Variants in MFN1 observed in about 807,000 individuals in gnomAD.
MFN1 encodes the protein mitofusin-1.
MFN1 carries 65 observed loss-of-function variants against 92.4 expected under a neutral mutation model. That is an observed-to-expected ratio of 0.70 (90% CI 0.58 to 0.86). The LOEUF (loss-of-function observed/expected upper bound fraction) is 0.86, where lower values mean the gene tolerates loss of function less well. MFN1 is among the 40% of genes least tolerant of loss of function. The pLI is 0.00. For synonymous variants in MFN1, 297 were observed against 300.9 expected, an observed-to-expected ratio of 0.99 and a Z score of 0.13; for missense variants, 781 against 868.0, an observed-to-expected ratio of 0.90 and a Z score of 1.26.
At chr3:179,350,829 A>G (rs543004506) in intron 2 of MFN1, among the ~76,000 whole-genome samples, 1 of 152,312 alleles carries the variant, frequency 6.6e-6, no homozygotes, top group South Asian at 2.1e-4. Context: ...AATTAGGGTC[A>G]TTCAGATAGC....
intron 3 of MFN1, among the ~76,000 whole-genome samples, chr3:179,353,593 A>G (rs1241979435): frequency 6.6e-6 from 1 of 152,138 alleles, no homozygotes; most frequent in Non-Finnish European, 1.5e-5. Flanking sequence ...GTGATCAGGT[A>G]CGTCTTCCAA....
Position 179,367,934 on chromosome 3 carries a change from GTATATA to G in MFN1, c.908-88_908-83del, listed in dbSNP as rs143669422. The G allele has an allele frequency of 9.7e-6, 4 of 410,678 alleles. 1 individual carries two copies. The highest frequency in any genetic ancestry group is 7.1e-6 in the Non-Finnish European group (2 of 281,802). The allele number at this position is 410,678 out of a possible 1,614,324, so 25.4% of individuals were successfully genotyped here. A position where few individuals can be genotyped will look rare whatever the true frequency, so the allele number is the denominator to read the frequency against. On this transcript the variant is annotated intron_variant, in intron 8 of 17. Coordinates refer to ENST00000471841, the MANE Select transcript of MFN1 (RefSeq NM_033540.3). Reference sequence around the variant, plus strand: ...GCAAGACTCTGTCTCGGGGGAAAAAGTATATATATATATATATATTTAAAATTATAA... The same window carrying G: ...GCAAGACTCTGTCTCGGGGGAAAAAGTATATATATATATTTAAAATTATAA...
intron 14 of MFN1, among the ~76,000 whole-genome samples, chr3:179,382,566 T>C (rs375466171): frequency 2.0e-5 from 3 of 152,366 alleles, no homozygotes; most frequent in East Asian, 1.9e-4. Flanking sequence ...CCATGATTTA[T>C]ATTCCTTTGG....
At chr3:179,356,647 GT>G (rs1337747476) in intron 3 of MFN1, among the ~76,000 whole-genome samples, 2 of 150,940 alleles carry the variant, frequency 1.3e-5, no homozygotes, top group Non-Finnish European at 3.0e-5. Context: ...TGTTTTTTTT[GT>G]TCGTTTTGGG....
intron 5 of MFN1, among the ~76,000 whole-genome samples, chr3:179,363,840 C>T (rs1046291131): frequency 1.3e-5 from 2 of 152,058 alleles, no homozygotes; most frequent in African/African-American, 4.8e-5. Context: ...CTTCATATAC[C>T]TCATAAATAT....
At chr3:179,367,917 C>A in intron 8 of MFN1, 119 bp from the exon 9 acceptor site, 1 of 504,746 alleles carries the variant, frequency 2.0e-6, no homozygotes, top group Non-Finnish European at 2.8e-6. Context: ...GAGCAAGACT[C>A]TGTCTCGGGG....
rs929313345 is a variant in MFN1, at chr3:179,352,019, G to A, written c.232G>A (p.Val78Met). 3.8e-6 allele frequency: 6 copies of A among 1,590,878 alleles called. No homozygotes were observed. Among genetic ancestry groups the A allele is most frequent in the Non-Finnish European group, 5.2e-6 (6 of 1,164,158 alleles). Reference sequence around the variant, plus strand: ...GGTGCTATCTCGGAGACACATGAAGGTGGCATTTTTTGGCAGGTAATTATT... The same window carrying A: ...GGTGCTATCTCGGAGACACATGAAGATGGCATTTTTTGGCAGGTAATTATT... ...GEVLSRRHMK[V>M]AFFGRTSSGK... The change falls in exon 3 of 18, where the codon GTG becomes ATG. Residue 78 changes from valine to methionine, a missense_variant. Val to Met is a conservative substitution (Grantham distance 21, BLOSUM62 1). Coordinates refer to ENST00000471841, the MANE Select transcript of MFN1 (RefSeq NM_033540.3).
chr3:179,351,249 A>G (rs1466250390), intron 2 of MFN1, among the ~76,000 whole-genome samples: 1 of 152,016 alleles, frequency 6.6e-6, no homozygotes, highest in East Asian at 1.9e-4. Context: ...CATGGAGGAG[A>G]GGTGAGGGCT....
Position 179,394,918 on chromosome 3 carries a change from C to CTGTT in MFN1, c.*2862_*2865dup, listed in dbSNP as rs1491530769. 2 of 152,076 alleles carry CTGTT rather than the reference C, an allele frequency of 1.3e-5. No homozygotes were observed. The highest frequency in any genetic ancestry group is 2.9e-5 in the Non-Finnish European group (2 of 67,998). 9.4% of individuals were successfully genotyped at this position (152,076 alleles called of 1,614,324 possible). On this transcript the variant is annotated 3_prime_UTR_variant, in exon 18 of 18. Coordinates refer to ENST00000471841, the MANE Select transcript of MFN1 (RefSeq NM_033540.3). ...CAAGCTTGCAAGATGAAAATAAAACCTGTTTGCCTGATAGTTGACAAATGT... is the reference window on the plus strand; with the variant it reads ...CAAGCTTGCAAGATGAAAATAAAACCTGTTTGTTTGCCTGATAGTTGACAAATGT...
intron 5 of MFN1, 44 bp downstream of exon 5, chr3:179,362,526 A>C (rs770770107): frequency 2.5e-6 from 4 of 1,591,238 alleles, no homozygotes; most frequent in African/African-American, 2.7e-5. Flanking sequence ...AGTTTATTTA[A>C]TAGTATAATA....
At chr3:179,362,632 A>G in intron 5 of MFN1, 150 bp downstream of exon 5, 1 of 656,942 alleles carries the variant, frequency 1.5e-6, no homozygotes, top group Non-Finnish European at 2.3e-6. Context: ...TATTGGTTTT[A>G]TTTTATAAGT....
chr3:179,377,384 T>C lies in MFN1; in HGVS notation c.1265T>C (p.Val422Ala). The change falls in exon 12 of 18, where the codon GTT becomes GCT. Residue 422 changes from valine (V) to alanine (A), a missense_variant. Transcript: ENST00000471841. Reference sequence around the variant, plus strand: ...ACAGATGAAATTTGTCGACTGTCTGTTTTGGTTGATGAATTTTGTTCAGAG... The same window carrying C: ...ACAGATGAAATTTGTCGACTGTCTGCTTTGGTTGATGAATTTTGTTCAGAG... ...AMTDEICRLS[V>A]LVDEFCSEFH... is the part of the protein sequence containing the mutation. The C allele has an allele frequency of 1.2e-6, 2 of 1,609,924 alleles. No individual in the cohort carries two copies. Among genetic ancestry groups the C allele is most frequent in the South Asian group, 2.2e-5 (2 of 90,000 alleles).
At chr3:179,372,469 G>A (rs966759966) in intron 9 of MFN1, among the ~76,000 whole-genome samples, 1 of 152,032 alleles carries the variant, frequency 6.6e-6, no homozygotes, top group Non-Finnish European at 1.5e-5. Flanking sequence ...TATTAGTGTA[G>A]TAAGGATGCT....
chr3:179,390,101 C>G lies in MFN1; in HGVS notation c.2110C>G (p.Gln704Glu). The part of the protein sequence containing the change: ...EIARLPKEID[Q>E]LEKIQNNSKL... Reference sequence around the variant, plus strand: ...TGCTAGATTACCCAAAGAAATAGATCAGTTGGAGAAAATACAAAACAATTC... The same window carrying G: ...TGCTAGATTACCCAAAGAAATAGATGAGTTGGAGAAAATACAAAACAATTC... The change falls in exon 17 of 18, where the codon CAG (glutamine) becomes GAG (glutamate). Residue 704 changes from glutamine to glutamate, a missense_variant. Gln to Glu is a conservative substitution (Grantham distance 29). Coordinates refer to ENST00000471841, the MANE Select transcript of MFN1 (RefSeq NM_033540.3). The G allele has an allele frequency of 1.2e-6, 2 of 1,603,442 alleles. No homozygotes were observed. The highest frequency in any genetic ancestry group is 4.5e-5 in the East Asian group (2 of 44,588).
intron 14 of MFN1, among the ~76,000 whole-genome samples, chr3:179,381,172 G>C (rs900586838): frequency 6.6e-6 from 1 of 152,198 alleles, no homozygotes; most frequent in Non-Finnish European, 1.5e-5. Flanking sequence ...GCTTATTGAA[G>C]CACTAGAGCA....
At position 179,391,984 on chromosome 3, in the gene MFN1, T is replaced by C. The variant is rs1713919475; in HGVS notation, c.2151T>C (p.Asn717=). 4 of 1,593,020 alleles carry C rather than the reference T, an allele frequency of 2.5e-6. No homozygotes were observed. The highest frequency in any genetic ancestry group is 1.7e-5 in the Admixed American group (1 of 59,658). The stretch of plus-strand genomic sequence containing the variant: ...GGTGTTTTATTTTTTTAATTAGAAA[T>C]AAAGCTGTTCAACTTGAAAATGAGC... ...KIQNNSKLLR[N]KAVQLENELE... The change falls in exon 18 of 18, where the codon AAT becomes AAC. Residue 717 remains asparagine, a synonymous_variant. Coordinates refer to ENST00000471841, the MANE Select transcript of MFN1 (RefSeq NM_033540.3).
rs769518082 is a variant in MFN1, at chr3:179,359,419, CT to C, written c.411+436del. On this transcript the variant is annotated intron_variant, in intron 4 of 17. Coordinates refer to ENST00000471841, the MANE Select transcript of MFN1 (RefSeq NM_033540.3). ...ATAGGCGTGAGCCACTGCACCCGGCCTTTTTTTTTTTTTTTTTTTGACACTG... is the reference window on the plus strand; with the variant it reads ...ATAGGCGTGAGCCACTGCACCCGGCCTTTTTTTTTTTTTTTTTTGACACTG... 2.5e-3 allele frequency among the ~76,000 whole-genome samples: 314 copies of C among 124,762 alleles called. 1 individual carries two copies. Among genetic ancestry groups the C allele is most frequent in the East Asian group, 6.1e-3 (28 of 4,574 alleles). 81.8% of individuals were successfully genotyped at this position (124,762 alleles called of 152,430 possible). A position where few individuals can be genotyped will look rare whatever the true frequency, so the allele number is the denominator to read the frequency against.
At chr3:179,383,921 TCAC>T (rs1477747162) in intron 14 of MFN1, among the ~76,000 whole-genome samples, 1 of 152,154 alleles carries the variant, frequency 6.6e-6, no homozygotes. Flanking sequence ...TGTAAAACCA[TCAC>T]CACAATTTAG....
Position 179,377,151 on chromosome 3 carries a change from G to A in MFN1, c.1207G>A (p.Glu403Lys), listed in dbSNP as rs748002076. The A allele has an allele frequency of 7.4e-6, 12 of 1,613,432 alleles. No individual in the cohort carries two copies. Among genetic ancestry groups the A allele is most frequent in the East Asian group, 2.2e-5 (1 of 44,792 alleles). ...DVKKKIKEVTEEVANKVSCAM... is the reference protein window; with the variant it reads ...DVKKKIKEVTKEVANKVSCAM... Reference sequence around the variant, plus strand: ...TAAGAAAAAAATCAAGGAGGTTACCGAGGAGGTGGCAAACAAAGTGGGTAA... The same window carrying A: ...TAAGAAAAAAATCAAGGAGGTTACCAAGGAGGTGGCAAACAAAGTGGGTAA... The change falls in exon 11 of 18, where the codon GAG becomes AAG. Residue 403 changes from glutamate (E) to lysine (K), a missense_variant. Coordinates refer to ENST00000471841, the MANE Select transcript of MFN1 (RefSeq NM_033540.3).
Sources: allele counts gnomAD v4.1 joint callset (sites outside exome capture counted in the v4.1 genomes callset), GRCh38; gene constraint gnomAD v4.1.1; transcripts MANE v1.5; gene names NCBI Gene and HGNC (gene_info 2026-07-23, HGNC 2026-07-21).